The following TARS3 variants were observed in gnomAD, a reference collection of about 807,000 sequenced individuals.
TARS3 encodes threonyl-tRNA synthetase 3, also known as threonine--tRNA ligase 2, cytoplasmic.
TARS3 carries 94 observed loss-of-function variants against 103.5 expected under a neutral mutation model. That is an observed-to-expected ratio of 0.91 (90% CI 0.77 to 1.08). TARS3 has a LOEUF of 1.08. Among genes scored for constraint, TARS3 ranks in the 50% least tolerant of loss-of-function variants. The probability of loss-of-function intolerance (pLI) is 0.00; values close to 1 mark genes in which losing one functional copy is unlikely to be tolerated. For synonymous variants in TARS3, 416 were observed against 355.4 expected, an observed-to-expected ratio of 1.17 and a Z score of -1.92; for missense variants, 952 against 995.2, an observed-to-expected ratio of 0.96 and a Z score of 0.58.
intron 11 of TARS3, among the ~76,000 whole-genome samples, chr15:101,685,019 G>GA (rs1267626153): frequency 3.3e-5 from 5 of 152,162 alleles, no homozygotes; most frequent in African/African-American, 9.7e-5. Flanking sequence ...AGAGGATACA[G>GA]AATGTTTACA....
intron 11 of TARS3, among the ~76,000 whole-genome samples, chr15:101,685,421 A>G (rs1309099513): frequency 6.6e-6 from 1 of 152,174 alleles, no homozygotes; most frequent in Admixed American, 6.5e-5. Context: ...ATATAATGCT[A>G]AGATGCCACC....
At chr15:101,717,975 G>T (rs572830447) in intron 3 of TARS3, among the ~76,000 whole-genome samples, 1 of 152,210 alleles carries the variant, frequency 6.6e-6, no homozygotes, top group Non-Finnish European at 1.5e-5. Flanking sequence ...AACATATGGA[G>T]AGCCAATAAC....
At position 101,654,565 on chromosome 15, in the gene TARS3, A is replaced by C; in HGVS notation, c.*17T>G. ...GTCAAAACAAAGTTACACAGAAGCAAATATCAGGGAAGGACTTCAAAAGGC... is the reference window on the plus strand; with the variant it reads ...GTCAAAACAAAGTTACACAGAAGCACATATCAGGGAAGGACTTCAAAAGGC... On this transcript the variant is annotated 3_prime_UTR_variant, in exon 19 of 19. Coordinates refer to ENST00000335968, the MANE Select transcript of TARS3 (RefSeq NM_152334.3). 1 of 1,602,992 alleles carries C rather than the reference A, an allele frequency of 6.2e-7. No individual in the cohort carries two copies. The highest frequency in any genetic ancestry group is 8.5e-7 in the Non-Finnish European group (1 of 1,177,126).
At chr15:101,689,127 T>G (rs559270862) in intron 10 of TARS3, among the ~76,000 whole-genome samples, 1 of 152,280 alleles carries the variant, frequency 6.6e-6, no homozygotes, top group Admixed American at 6.5e-5. Flanking sequence ...AGAAAAGGAC[T>G]TACTACCCTT....
chr15:101,717,264 C>T (rs567246060), intron 3 of TARS3, among the ~76,000 whole-genome samples: 1 of 152,304 alleles, frequency 6.6e-6, no homozygotes, highest in South Asian at 2.1e-4. Flanking sequence ...AAATACTGGA[C>T]AATTTACTCA....
intron 8 of TARS3, 41 bp downstream of exon 8, chr15:101,703,818 G>A (rs1386981043): frequency 1.6e-6 from 2 of 1,246,080 alleles, no homozygotes. Flanking sequence ...AATAGCTAGT[G>A]CACCTTAAGT....
chr15:101,707,204 T>C (rs1413812011), intron 6 of TARS3, among the ~76,000 whole-genome samples: 1 of 151,736 alleles, frequency 6.6e-6, no homozygotes, highest in South Asian at 2.1e-4. Flanking sequence ...GGCAAGGATG[T>C]GGAAAAACTG....
intron 3 of TARS3, among the ~76,000 whole-genome samples, chr15:101,720,130 G>A (rs2141459052): frequency 6.6e-6 from 1 of 152,302 alleles, no homozygotes; most frequent in Middle Eastern, 3.4e-3. Context: ...CAGGCTGGGA[G>A]AGCATTTAAC....
chr15:101,661,111 C>T (rs1430444539), intron 16 of TARS3, among the ~76,000 whole-genome samples: 1 of 152,136 alleles, frequency 6.6e-6, no homozygotes. Flanking sequence ...GGATGCACCA[C>T]TCAAAAAGGA....
At chr15:101,664,868 A>T (rs1278097971) in intron 15 of TARS3, among the ~76,000 whole-genome samples, 1 of 152,238 alleles carries the variant, frequency 6.6e-6, no homozygotes, top group African/African-American at 2.4e-5. Context: ...AGCAGGGTAA[A>T]CACACCTGGA....
In TARS3 at chr15:101,708,926, G is replaced by A. The variant is rs987020322; in HGVS notation, c.813-16C>T. 3 of 1,487,830 alleles carry A rather than the reference G, an allele frequency of 2.0e-6. No homozygotes were observed. In the African/African-American group the frequency reaches 4.3e-5, roughly 21 times the overall value. The allele number at this position is 1,487,830 out of a possible 1,614,324, so 92.2% of individuals were successfully genotyped here. On this transcript the variant is annotated splice_polypyrimidine_tract_variant and intron_variant, in intron 5 of 18. Coordinates refer to ENST00000335968, the MANE Select transcript of TARS3 (RefSeq NM_152334.3). ...GGACACTGCTCTAAAAAGAAGAGCA[G>A]AGAACCGACATCCATCTTCCAGACA... is the stretch of plus-strand genomic sequence containing the variant.
intron 6 of TARS3, 25 bp from the exon 7 acceptor site, chr15:101,705,772 A>G (rs2141435954): frequency 6.5e-7 from 1 of 1,528,604 alleles, no homozygotes; most frequent in East Asian, 2.3e-5. Flanking sequence ...ATATTTACAC[A>G]TTATTACACA....
At chr15:101,686,782 T>C (rs1290215230) in intron 10 of TARS3, among the ~76,000 whole-genome samples, 1 of 152,112 alleles carries the variant, frequency 6.6e-6, no homozygotes, top group Non-Finnish European at 1.5e-5. Flanking sequence ...ACCCTTTGCA[T>C]GACAGTTTTA....
At chr15:101,671,869 A>G (rs898818731) in intron 13 of TARS3, 121 bp from the exon 14 acceptor site, 1 of 790,966 alleles carries the variant, frequency 1.3e-6, no homozygotes, top group Non-Finnish European at 2.0e-6. Context: ...ATATTTATTG[A>G]GCATCTTTTA....
chr15:101,676,802 C>T (rs1344806294), intron 12 of TARS3, among the ~76,000 whole-genome samples: 10 of 143,502 alleles, frequency 7.0e-5, no homozygotes, highest in Middle Eastern at 3.7e-3. Context: ...CCACTACACC[C>T]TTTTTTTTTT....
chr15:101,714,104 C>A (rs1408916344), intron 4 of TARS3, among the ~76,000 whole-genome samples: 1 of 152,126 alleles, frequency 6.6e-6, no homozygotes, highest in Non-Finnish European at 1.5e-5. Context: ...TCATATATCA[C>A]ATGCATATGT....
At chr15:101,654,969 G>T (rs912892500) in intron 18 of TARS3, among the ~76,000 whole-genome samples, 7 of 152,326 alleles carry the variant, frequency 4.6e-5, no homozygotes, top group Middle Eastern at 3.4e-3. Flanking sequence ...GCAGATGAGA[G>T]GGGGGAGCTC....
intron 15 of TARS3, among the ~76,000 whole-genome samples, chr15:101,670,390 A>T (rs565045522): frequency 6.6e-6 from 1 of 152,358 alleles, no homozygotes; most frequent in East Asian, 1.9e-4. Context: ...AAAGAGGATA[A>T]ATGAATAGCA....
Position 101,684,143 on chromosome 15 carries a change from GAGTCCCCGAC to G in TARS3, c.1572_1581del (p.Gly526AlafsTer3), listed in dbSNP as rs757019418. 4 of 1,613,996 alleles carry G rather than the reference GAGTCCCCGAC, an allele frequency of 2.5e-6. No homozygotes were observed. The highest frequency in any genetic ancestry group is 3.4e-6 in the Non-Finnish European group (4 of 1,179,952). ...CGCCTCACTCTGGTCAAGCCGCTGAGAGTCCCCGACAGTTCATTTCTATGCAGAACTCCAA... is the reference window on the plus strand; with the variant it reads ...CGCCTCACTCTGGTCAAGCCGCTGAGAGTTCATTTCTATGCAGAACTCCAA... On this transcript the variant is annotated frameshift_variant, in exon 12 of 19. Coordinates refer to ENST00000335968, the MANE Select transcript of TARS3 (RefSeq NM_152334.3). LOFTEE classifies it high-confidence loss of function.
Sources: gnomAD v4.1 joint callset for allele counts (sites outside exome capture counted in the v4.1 genomes callset) on GRCh38, gnomAD v4.1.1 for gene constraint, MANE v1.5 for transcripts, NCBI Gene and HGNC (gene_info 2026-07-23, HGNC 2026-07-21) for gene names.